The following LRP1B variants were observed in gnomAD, a reference collection of about 807,000 sequenced individuals.
LRP1B encodes low-density lipoprotein receptor-related protein 1B.
A neutral mutation model predicts 556.6 loss-of-function variants in LRP1B; 217 were observed. That is an observed-to-expected ratio of 0.39 (90% confidence interval 0.35 to 0.44). The LOEUF is 0.44. Among genes scored for constraint, LRP1B ranks in the 20% least tolerant of loss-of-function variants. LRP1B has a pLI of 1.00. For missense variants in LRP1B, 5,053 were observed against 5,620.8 expected, an observed-to-expected ratio of 0.90 and a Z score of 3.23; for synonymous variants, 2,047 against 1,865.8, an observed-to-expected ratio of 1.10 and a Z score of -2.50.
intron 77 of LRP1B, among the ~76,000 whole-genome samples, chr2:140,349,033 G>T (rs1681830624): frequency 6.6e-6 from 1 of 152,044 alleles, no homozygotes; most frequent in South Asian, 2.1e-4. Context: ...TCACAATAGG[G>T]TTTGCGCTCC....
rs191624306 is a variant in LRP1B, at chr2:141,639,192, C to T, written c.206-158659G>A. Among the ~76,000 whole-genome samples, 800 of 139,674 alleles carry T rather than the reference C, an allele frequency of 5.7e-3. 10 individuals carry two copies. Among genetic ancestry groups the T allele is most frequent in the African/African-American group, 0.02 (755 of 38,022 alleles). The allele number at this position is 139,674 out of a possible 152,430, so 91.6% of individuals were successfully genotyped here. On this transcript the variant is annotated intron_variant, in intron 2 of 90. Transcript: ENST00000389484. ...GAGCTTCGGGAAACACACTGGAGGCCGACACCAGGCAAAGCAGTGGTCTTT... is the reference window on the plus strand; with the variant it reads ...GAGCTTCGGGAAACACACTGGAGGCTGACACCAGGCAAAGCAGTGGTCTTT...
At chr2:141,278,624 G>C (rs1685393964) in intron 3 of LRP1B, among the ~76,000 whole-genome samples, 1 of 152,028 alleles carries the variant, frequency 6.6e-6, no homozygotes, top group Admixed American at 6.6e-5. Flanking sequence ...TTTTCCCTTA[G>C]CTTATTTTTA....
chr2:141,543,873 T>C lies in LRP1B; in HGVS notation c.206-63340A>G, dbSNP rs151301790. ...AGGAAGTCCATGGTGCAAGGTCTCA[T>C]GGGACATAGGGTAATGAGGCAAAAT... On this transcript the variant is annotated intron_variant, in intron 2 of 90. Transcript: ENST00000389484. 4.9e-4 allele frequency among the ~76,000 whole-genome samples: 74 copies of C among 152,250 alleles called. No homozygotes were observed. The East Asian group carries it at 7.4e-3, about 15-fold the overall frequency.
chr2:142,123,742 T>A (rs1031593395), intron 1 of LRP1B, among the ~76,000 whole-genome samples: 4 of 151,682 alleles, frequency 2.6e-5, no homozygotes, highest in Non-Finnish European at 5.9e-5. Flanking sequence ...CTGTAAAGGA[T>A]ATAGTTATAA....
At position 140,653,007 on chromosome 2, in the gene LRP1B, A is replaced by T. The variant is rs571309526; in HGVS notation, c.6799+47243T>A. Among the ~76,000 whole-genome samples, 4 of 152,246 alleles carry T rather than the reference A, an allele frequency of 2.6e-5. No homozygotes were observed. In the East Asian group the frequency reaches 7.7e-4, roughly 29 times the overall value. On this transcript the variant is annotated intron_variant, in intron 41 of 90. Transcript: ENST00000389484. ...AAATCTAAGAAAGCTAAGTAGCACC[A>T]TACGTTTGAGGAATATCTCCAACAG... is the stretch of plus-strand genomic sequence containing the variant.
chr2:140,542,786 G>C (rs1462326401), intron 43 of LRP1B, among the ~76,000 whole-genome samples: 1 of 152,132 alleles, frequency 6.6e-6, no homozygotes, highest in Non-Finnish European at 1.5e-5. Context: ...GTCAAGAGTT[G>C]ACAGTTCAGC....
intron 35 of LRP1B, among the ~76,000 whole-genome samples, chr2:140,745,287 A>C (rs966373413): frequency 3.3e-5 from 5 of 152,174 alleles, no homozygotes; most frequent in Admixed American, 2.0e-4. Context: ...CTTTCAAAGT[A>C]ATCAACTATA....
At chr2:140,327,710 G>A (rs1355366153) in intron 79 of LRP1B, among the ~76,000 whole-genome samples, 1 of 151,938 alleles carries the variant, frequency 6.6e-6, no homozygotes, top group Admixed American at 6.6e-5. Flanking sequence ...TCACAGAAAG[G>A]AAGAAAACAG....
intron 2 of LRP1B, among the ~76,000 whole-genome samples, chr2:141,788,578 A>T (rs1035077846): frequency 4.0e-5 from 6 of 151,786 alleles, no homozygotes; most frequent in Non-Finnish European, 7.4e-5. Flanking sequence ...CATGTGCACA[A>T]TGTGCAGGTT....
chr2:140,446,966 T>A (rs1305756447), intron 63 of LRP1B, among the ~76,000 whole-genome samples: 1 of 141,874 alleles, frequency 7.0e-6, no homozygotes, highest in Non-Finnish European at 1.6e-5. Context: ...GAATATTCAA[T>A]AGTAAGAAAA....
At chr2:141,714,447 C>CT (rs201676715) in intron 2 of LRP1B, among the ~76,000 whole-genome samples, 25,502 of 134,672 alleles carry the variant, frequency 0.19, 2,335 homozygotes, top group Middle Eastern at 0.24. Flanking sequence ...TCTCTGTAGG[C>CT]TCTTTTTTTT....
chr2:142,061,059 T>C (rs1460541168), intron 1 of LRP1B, among the ~76,000 whole-genome samples: 1 of 151,918 alleles, frequency 6.6e-6, no homozygotes, highest in Non-Finnish European at 1.5e-5. Context: ...AGTAACAGCA[T>C]GAAACAGATA....
intron 2 of LRP1B, among the ~76,000 whole-genome samples, chr2:141,756,475 T>A (rs1433742042): frequency 1.3e-5 from 2 of 151,800 alleles, no homozygotes; most frequent in Non-Finnish European, 2.9e-5. Flanking sequence ...CTAAATCAAG[T>A]TGCAATAAGA....
At chr2:141,412,093 A>G (rs1003283837) in intron 3 of LRP1B, among the ~76,000 whole-genome samples, 3 of 152,170 alleles carry the variant, frequency 2.0e-5, no homozygotes, top group Non-Finnish European at 4.4e-5. Context: ...ATCAGCAAAC[A>G]CCAGGCAGTT....
chr2:141,187,375 T>A (rs1681307537), intron 7 of LRP1B, among the ~76,000 whole-genome samples: 1 of 152,112 alleles, frequency 6.6e-6, no homozygotes, highest in Admixed American at 6.6e-5. Flanking sequence ...ATGACAGCTG[T>A]TTCTTCAGTA....
intron 66 of LRP1B, among the ~76,000 whole-genome samples, chr2:140,403,465 G>C (rs537218512): frequency 4.6e-5 from 7 of 152,080 alleles, no homozygotes; most frequent in African/African-American, 1.7e-4. Context: ...GACACACTTA[G>C]GGAAATACAA....
chr2:141,400,022 G>A (rs950658867), intron 3 of LRP1B, among the ~76,000 whole-genome samples: 2 of 151,994 alleles, frequency 1.3e-5, no homozygotes, highest in African/African-American at 4.8e-5. Flanking sequence ...GTCTCATTTT[G>A]TCACCCTGTC....
intron 35 of LRP1B, among the ~76,000 whole-genome samples, chr2:140,732,620 T>A (rs1271763499): frequency 6.6e-6 from 1 of 152,112 alleles, no homozygotes; most frequent in Non-Finnish European, 1.5e-5. Context: ...GCAACAGATG[T>A]TTTTCACTTC....
At chr2:141,334,986 C>T (rs1362063141) in intron 3 of LRP1B, among the ~76,000 whole-genome samples, 2 of 152,162 alleles carry the variant, frequency 1.3e-5, no homozygotes, top group African/African-American at 4.8e-5. Context: ...ATATCTTATA[C>T]TTTTTTCAGT....
Sources: gnomAD v4.1 joint callset for allele counts (sites outside exome capture counted in the v4.1 genomes callset) on GRCh38, gnomAD v4.1.1 for gene constraint, MANE v1.5 for transcripts, NCBI Gene and HGNC (gene_info 2026-07-23, HGNC 2026-07-21) for gene names.